IFT80: variants seen among roughly 807,000 people sequenced by gnomAD.
The protein encoded by IFT80 is intraflagellar transport protein 80 homolog.
IFT80 carries 79 observed loss-of-function variants against 107.9 expected under a neutral mutation model. That is an observed-to-expected ratio of 0.73 (90% CI 0.61 to 0.88). The LOEUF (loss-of-function observed/expected upper bound fraction) is 0.88, where lower values mean the gene tolerates loss of function less well. IFT80 is among the 40% of genes least tolerant of loss of function. The probability of loss-of-function intolerance (pLI) is 0.00; values close to 1 mark genes in which losing one functional copy is unlikely to be tolerated. For synonymous variants in IFT80, 299 were observed against 300.9 expected, an observed-to-expected ratio of 0.99 and a Z score of 0.07; for missense variants, 797 against 914.2, an observed-to-expected ratio of 0.87 and a Z score of 1.65.
intron 9 of IFT80, among the ~76,000 whole-genome samples, chr3:160,318,146 A>T (rs995878317): frequency 2.0e-5 from 3 of 151,762 alleles, no homozygotes; most frequent in Non-Finnish European, 4.4e-5. Flanking sequence ...TGAACTAGTG[A>T]TTACTGGGGC....
rs545830056 is a variant in IFT80, at chr3:160,397,685, G to C, written c.-47+1461C>G. ...TCTTTCCACTACATTGTGCTCTGTT[G>C]CCCCAAATACACCACTCAATTTGGT... On this transcript the variant is annotated intron_variant, in intron 1 of 19. Coordinates refer to ENST00000326448, the MANE Select transcript of IFT80 (RefSeq NM_020800.3). Among the ~76,000 whole-genome samples, 20 of 145,702 alleles carry C rather than the reference G, an allele frequency of 1.4e-4. No homozygotes were observed. In the South Asian group the frequency reaches 3.7e-3, roughly 27 times the overall value.
At chr3:160,271,488 T>C (rs962034278) in intron 18 of IFT80, among the ~76,000 whole-genome samples, 4 of 152,202 alleles carry the variant, frequency 2.6e-5, no homozygotes, top group Non-Finnish European at 4.4e-5. Context: ...GTTTCTAGTT[T>C]CTACCTCTCT....
intron 8 of IFT80, among the ~76,000 whole-genome samples, chr3:160,332,249 A>G (rs1042096935): frequency 1.3e-5 from 2 of 152,180 alleles, no homozygotes; most frequent in South Asian, 4.1e-4. Context: ...TGGTGGAAAG[A>G]TTAGGTTTAT....
chr3:160,322,022 A>AT (rs918397954), intron 8 of IFT80, among the ~76,000 whole-genome samples: 22 of 147,524 alleles, frequency 1.5e-4, no homozygotes, highest in Non-Finnish European at 3.0e-4. Flanking sequence ...TTATTTATTT[A>AT]TTTATTTATT....
intron 1 of IFT80, among the ~76,000 whole-genome samples, chr3:160,387,996 T>C (rs1713073996): frequency 6.6e-6 from 1 of 152,128 alleles, no homozygotes; most frequent in Non-Finnish European, 1.5e-5. Flanking sequence ...TAAGATAGGT[T>C]ATGACTGTGA....
chr3:160,357,494 A>G lies in IFT80; in HGVS notation c.634T>C (p.Tyr212His), dbSNP rs756009771. ...LILSAGEDCK[Y>H]KVWDSYGRPL... The stretch of plus-strand genomic sequence containing the variant: ...TAAATCTAAACATTATATACCTTAT[A>G]TTTACAGTCTTCACCAGCAGATAAA... The change falls in exon 7 of 20, where the codon TAT (tyrosine) becomes CAT (histidine). Residue 212 changes from tyrosine (Y) to histidine (H), a missense_variant. By Grantham distance (83) the Tyr-to-His change is moderately conservative. Coordinates refer to ENST00000326448, the MANE Select transcript of IFT80 (RefSeq NM_020800.3). 2.0e-5 allele frequency: 30 copies of G among 1,488,974 alleles called. No homozygotes were observed. The East Asian group carries it at 6.6e-4, about 33-fold the overall frequency. The allele number at this position is 1,488,974 out of a possible 1,614,324, so 92.2% of individuals were successfully genotyped here. A position where few individuals can be genotyped will look rare whatever the true frequency, so the allele number is the denominator to read the frequency against.
intron 3 of IFT80, 143 bp from the exon 4 acceptor site, chr3:160,377,683 G>A (rs902583884): frequency 4.1e-6 from 2 of 483,254 alleles, no homozygotes; most frequent in African/African-American, 2.0e-5. Context: ...AAATCTATTG[G>A]AAAATAGGCA....
At chr3:160,289,092 A>G (rs191909374) in intron 12 of IFT80, among the ~76,000 whole-genome samples, 16 of 152,364 alleles carry the variant, frequency 1.1e-4, no homozygotes, top group Admixed American at 9.1e-4. Flanking sequence ...GATAAAGAAA[A>G]TGTTGTACAT....
intron 3 of IFT80, among the ~76,000 whole-genome samples, chr3:160,379,845 G>A (rs1423108210): frequency 6.6e-6 from 1 of 151,944 alleles, no homozygotes; most frequent in East Asian, 1.9e-4. Flanking sequence ...ATTTAATCAA[G>A]TTTCTGAAAA....
chr3:160,315,088 G>GGAGGGAGGGAGGGAGGGAGA, intron 9 of IFT80, among the ~76,000 whole-genome samples: 1 of 122,348 alleles, frequency 8.2e-6, no homozygotes, highest in Non-Finnish European at 1.8e-5. Flanking sequence ...AGGGAGGGAG[G>GGAGGGAGGGAGGGAGGGAGA]GAAAAAGAGA....
At chr3:160,377,587 C>A in intron 3 of IFT80, 47 bp from the exon 4 acceptor site, 1 of 1,116,260 alleles carries the variant, frequency 9.0e-7, no homozygotes, top group Non-Finnish European at 1.4e-6. Context: ...ATTCAATCAA[C>A]AAAGCACCTA....
chr3:160,293,887 T>C lies in IFT80; in HGVS notation c.1315+6996A>G, dbSNP rs537934706. ...TAATCATGTAATCAAACCCCAAAAG[T>C]ATTCTCTAGACACCAAAACTGAAAG... On this transcript the variant is annotated intron_variant, in intron 12 of 19. Transcript: ENST00000326448. 2.0e-3 allele frequency among the ~76,000 whole-genome samples: 312 copies of C among 152,230 alleles called. 1 individual carries two copies. The highest frequency in any genetic ancestry group is 6.8e-3 in the Middle Eastern group (2 of 294).
intron 2 of IFT80, among the ~76,000 whole-genome samples, chr3:160,382,250 A>G (rs1331729433): frequency 2.0e-5 from 3 of 152,210 alleles, no homozygotes; most frequent in African/African-American, 4.8e-5. Context: ...ACATATTATC[A>G]TAACAATTCA....
chr3:160,302,869 T>C (rs1243882310), intron 11 of IFT80, among the ~76,000 whole-genome samples: 1 of 152,184 alleles, frequency 6.6e-6, no homozygotes, highest in Non-Finnish European at 1.5e-5. Context: ...GGTGATCACA[T>C]TTTTCAATAA....
chr3:160,300,395 T>C (rs1018985566), intron 12 of IFT80, among the ~76,000 whole-genome samples: 1 of 152,110 alleles, frequency 6.6e-6, no homozygotes, highest in South Asian at 2.1e-4. Context: ...TTATAACTAC[T>C]AATGTGGCCT....
Position 160,300,987 on chromosome 3 carries a change from A to G in IFT80, c.1211T>C (p.Ile404Thr), listed in dbSNP as rs1716381429. ...IYLYSYEGRF[I>T]SSPKFPGMRT... ...CATTCCAGGAAATTTTGGAGATGAA[A>G]TAAAGCGCCCTTCATATGAATATAA... Residue 404 changes from isoleucine (I) to threonine (T), a missense_variant, in exon 12 of 20, where the codon ATT (isoleucine) becomes ACT (threonine). By Grantham distance (89) the Ile-to-Thr change is moderately conservative (BLOSUM62 -1). Coordinates refer to ENST00000326448, the MANE Select transcript of IFT80 (RefSeq NM_020800.3). The G allele has an allele frequency of 6.2e-7, 1 of 1,606,270 alleles. No homozygotes were observed. Among genetic ancestry groups the G allele is most frequent in the Non-Finnish European group, 8.5e-7 (1 of 1,174,446 alleles).
chr3:160,366,170 A>T lies in IFT80; in HGVS notation c.440-18T>A, dbSNP rs756462482. Reference sequence around the variant, plus strand: ...TGGTGTTCCTGTAAGATGAAAAAAGAAAAAAAAAAGGCTGATAAACTTTAA... The same window carrying T: ...TGGTGTTCCTGTAAGATGAAAAAAGTAAAAAAAAAGGCTGATAAACTTTAA... On this transcript the variant is annotated intron_variant, in intron 5 of 19. Transcript: ENST00000326448. The T allele has an allele frequency of 2.4e-5, 33 of 1,380,922 alleles. No individual in the cohort carries two copies. Among genetic ancestry groups the T allele is most frequent in the Non-Finnish European group, 3.3e-5 (33 of 990,610 alleles). The allele number at this position is 1,380,922 out of a possible 1,614,324, so 85.5% of individuals were successfully genotyped here. A position where few individuals can be genotyped will look rare whatever the true frequency, so the allele number is the denominator to read the frequency against.
At chr3:160,396,164 C>T (rs1006259282) in intron 1 of IFT80, among the ~76,000 whole-genome samples, 4 of 151,968 alleles carry the variant, frequency 2.6e-5, no homozygotes, top group African/African-American at 9.7e-5. Flanking sequence ...CAAAAAAGAG[C>T]TGTTCTGCCT....
intron 3 of IFT80, among the ~76,000 whole-genome samples, chr3:160,380,415 A>G (rs567222471): frequency 6.6e-6 from 1 of 152,226 alleles, no homozygotes; most frequent in African/African-American, 2.4e-5. Context: ...AGTCTTACAA[A>G]GTATGATGAG....
Sources: allele counts gnomAD v4.1 joint callset (sites outside exome capture counted in the v4.1 genomes callset), GRCh38; gene constraint gnomAD v4.1.1; transcripts MANE v1.5; gene names NCBI Gene and HGNC (gene_info 2026-07-23, HGNC 2026-07-21).